Variants in CTNNA2 observed in about 807,000 individuals in gnomAD.
CTNNA2 encodes the protein catenin alpha 2.
In CTNNA2, 42 loss-of-function variants were observed where a neutral mutation model predicts 101.0. That is an observed-to-expected ratio of 0.42 (90% CI 0.32 to 0.54). The LOEUF (loss-of-function observed/expected upper bound fraction) is 0.54, where lower values mean the gene tolerates loss of function less well. Ranked by LOEUF, CTNNA2 falls within the 20% of genes least tolerant of loss-of-function variation. The pLI is 0.14. For synonymous variants in CTNNA2, 450 were observed against 456.4 expected (o/e 0.99, Z 0.18); for missense variants, 871 against 1,223.1 (o/e 0.71, Z 4.29).
rs561032639 is a variant in CTNNA2 at position 79,465,001 on chromosome 2, G to A, written c.-134-40053G>A. On this transcript the variant is annotated intron_variant, in intron 4 of 21. Coordinates refer to the CTNNA2 transcript ENST00000466387. ...TCTTTAGTTTAATTAGATCCCATTT[G>A]TCAATTTTGGCTTTTGTTGCCATTG... 2.6e-3 allele frequency among the ~76,000 whole-genome samples: 393 copies of A among 152,226 alleles called. 2 individuals carry two copies. The highest frequency in any genetic ancestry group is 9.0e-3 in the African/African-American group (375 of 41,556).
rs571458256 is a variant in CTNNA2 at position 79,875,731 on chromosome 2, G to T, written c.852+1389G>T. On this transcript the variant is annotated intron_variant, in intron 6 of 18. Coordinates refer to ENST00000402739, the MANE Select transcript of CTNNA2 (RefSeq NM_001282597.3). ...CTCACACCATATATTATTTCCTAAG[G>T]TTTTTTTTGTGAGGATTAAATATGA... Among the ~76,000 whole-genome samples, 172 of 151,626 alleles carry T rather than the reference G, an allele frequency of 1.1e-3. 2 individuals carry two copies. Among genetic ancestry groups the T allele is most frequent in the African/African-American group, 4.0e-3 (164 of 41,370 alleles).
intron 7 of CTNNA2, among the ~76,000 whole-genome samples, chr2:80,327,603 A>T (rs1670927484): frequency 1.3e-5 from 2 of 152,190 alleles, no homozygotes; most frequent in Non-Finnish European, 2.9e-5. Flanking sequence ...TGAAAATGTG[A>T]GCTGACGCTG....
chr2:79,392,434 T>G (rs572241487), intron 4 of CTNNA2, among the ~76,000 whole-genome samples: 18 of 152,336 alleles, frequency 1.2e-4, no homozygotes, highest in African/African-American at 4.3e-4. Flanking sequence ...ATGTTTTCTC[T>G]GAAATCCATG....
chr2:79,973,410 T>G (rs1457100503), intron 7 of CTNNA2, among the ~76,000 whole-genome samples: 1 of 152,154 alleles, frequency 6.6e-6, no homozygotes, highest in East Asian at 1.9e-4. Flanking sequence ...ACTTGCAAGC[T>G]AGAGATATTA....
At chr2:80,437,500 A>G (rs1468175617) in intron 9 of CTNNA2, among the ~76,000 whole-genome samples, 1 of 152,214 alleles carries the variant, frequency 6.6e-6, no homozygotes. Flanking sequence ...AGCTTGCTAA[A>G]TACCATTAGC....
intron 7 of CTNNA2, among the ~76,000 whole-genome samples, chr2:80,210,731 A>G (rs527670897): frequency 5.5e-4 from 84 of 152,328 alleles, no homozygotes; most frequent in African/African-American, 1.9e-3. Flanking sequence ...GTATATACCC[A>G]GTAATGGCAT....
At chr2:79,246,911 A>G (rs928599471) in intron 2 of CTNNA2, among the ~76,000 whole-genome samples, 4 of 152,372 alleles carry the variant, frequency 2.6e-5, no homozygotes, top group Middle Eastern at 3.4e-3. Flanking sequence ...AAGAGAGAGA[A>G]GAGTCCATAG....
intron 1 of CTNNA2, among the ~76,000 whole-genome samples, chr2:79,590,119 CT>C (rs1258584360): frequency 6.6e-6 from 1 of 152,146 alleles, no homozygotes; most frequent in Non-Finnish European, 1.5e-5. Context: ...AAAAACATTT[CT>C]TTAAATCCCA....
At chr2:79,414,927 T>C (rs1334469925) in intron 4 of CTNNA2, among the ~76,000 whole-genome samples, 1 of 152,160 alleles carries the variant, frequency 6.6e-6, no homozygotes, top group East Asian at 1.9e-4. Context: ...CCCAAGTTGC[T>C]GATTCACAGA....
At chr2:80,596,684 T>A (rs1697016483) in intron 15 of CTNNA2, among the ~76,000 whole-genome samples, 1 of 152,088 alleles carries the variant, frequency 6.6e-6, no homozygotes, top group Non-Finnish European at 1.5e-5. Context: ...TTCTTTCTAT[T>A]TGAATACACT....
chr2:79,417,669 G>C (rs1325090217), intron 4 of CTNNA2, among the ~76,000 whole-genome samples: 2 of 152,012 alleles, frequency 1.3e-5, no homozygotes, highest in Non-Finnish European at 2.9e-5. Flanking sequence ...ATCCAGATAG[G>C]CCTCTCCCTT....
intron 2 of CTNNA2, among the ~76,000 whole-genome samples, chr2:79,260,222 T>A (rs549133308): frequency 5.5e-4 from 83 of 152,220 alleles, no homozygotes; most frequent in Non-Finnish European, 8.5e-4. Flanking sequence ...CTTGCCTCAT[T>A]ACTATCAGCT....
chr2:79,499,139 A>T (rs772106474), intron 4 of CTNNA2: 11 of 152,168 alleles, frequency 7.2e-5, no homozygotes, highest in Non-Finnish European at 1.6e-4. Context: ...AAGACCATCA[A>T]CTTCCTAGTT....
At chr2:80,013,557 G>A (rs1179760311) in intron 7 of CTNNA2, among the ~76,000 whole-genome samples, 1 of 152,136 alleles carries the variant, frequency 6.6e-6, no homozygotes, top group Non-Finnish European at 1.5e-5. Context: ...CTACCCAAAT[G>A]TAAAACCAAA....
At chr2:79,226,183 A>G (rs763375788) in intron 2 of CTNNA2, among the ~76,000 whole-genome samples, 3 of 152,188 alleles carry the variant, frequency 2.0e-5, no homozygotes, top group Non-Finnish European at 4.4e-5. Flanking sequence ...CTTTATCTCC[A>G]TCAACTTGCA....
intron 7 of CTNNA2, among the ~76,000 whole-genome samples, chr2:80,278,347 C>G (rs1177087365): frequency 1.3e-5 from 2 of 152,134 alleles, no homozygotes; most frequent in African/African-American, 2.4e-5. Context: ...GTGCTGGCAA[C>G]TTGAGCTAGG....
At chr2:79,286,484 A>T (rs1177749439) in intron 2 of CTNNA2, among the ~76,000 whole-genome samples, 1 of 151,412 alleles carries the variant, frequency 6.6e-6, no homozygotes, top group Non-Finnish European at 1.5e-5. Flanking sequence ...GCTTGTCTGT[A>T]AAGTATTTTA....
At chr2:80,439,530 C>T (rs775515916) in intron 9 of CTNNA2, among the ~76,000 whole-genome samples, 6 of 152,042 alleles carry the variant, frequency 3.9e-5, no homozygotes, top group Admixed American at 2.6e-4. Flanking sequence ...TCCTGAGTAG[C>T]TGGGATTACA....
At chr2:80,072,988 A>G (rs1698439432) in intron 7 of CTNNA2, among the ~76,000 whole-genome samples, 1 of 152,228 alleles carries the variant, frequency 6.6e-6, no homozygotes, top group Admixed American at 6.5e-5. Flanking sequence ...TTTCGTGCAG[A>G]AATTAAAGGA....
Sources: gnomAD v4.1 joint callset for allele counts (sites outside exome capture counted in the v4.1 genomes callset) on GRCh38, gnomAD v4.1.1 for gene constraint, MANE v1.5 for transcripts, NCBI Gene and HGNC (gene_info 2026-07-23, HGNC 2026-07-21) for gene names.